The following EGFR variants were observed in gnomAD, a reference collection of about 807,000 sequenced individuals.
The protein encoded by EGFR is epidermal growth factor receptor.
EGFR carries 58 observed loss-of-function variants against 143.0 expected under a neutral mutation model. That is an observed-to-expected ratio of 0.41 (90% CI 0.33 to 0.50). The LOEUF (loss-of-function observed/expected upper bound fraction) is 0.50. Among genes scored for constraint, EGFR ranks in the 20% least tolerant of loss-of-function variants. The pLI is 0.39. For missense variants in EGFR, 1,307 were observed against 1,579.0 expected (o/e 0.83, Z 2.92); for synonymous variants, 613 against 594.4 (o/e 1.03, Z -0.45).
intron 1 of EGFR, among the ~76,000 whole-genome samples, chr7:55,140,476 G>T (rs890183970): frequency 2.0e-5 from 3 of 152,168 alleles, no homozygotes; most frequent in African/African-American, 7.2e-5. Flanking sequence ...TTATTCCAAG[G>T]TGTGCCAACC....
Position 55,112,871 on chromosome 7 carries a change from T to A in EGFR, c.89-29415T>A, listed in dbSNP as rs184128564. Reference sequence around the variant, plus strand: ...TTCTTTATCCCATACAGCCTTACAGTCAAGTGCCAGTGCAACACCTGATTC... The same window carrying A: ...TTCTTTATCCCATACAGCCTTACAGACAAGTGCCAGTGCAACACCTGATTC... On this transcript the variant is annotated intron_variant, in intron 1 of 27. Coordinates refer to ENST00000275493, the MANE Select transcript of EGFR (RefSeq NM_005228.5). Among the ~76,000 whole-genome samples the A allele has an allele frequency of 4.6e-5, 7 of 152,302 alleles. No homozygotes were observed. In the East Asian group the frequency reaches 1.2e-3, roughly 25 times the overall value.
intron 1 of EGFR, among the ~76,000 whole-genome samples, chr7:55,122,331 T>C (rs1053932787): frequency 1.3e-5 from 2 of 152,300 alleles, no homozygotes; most frequent in South Asian, 2.1e-4. Context: ...CTCACATCGT[T>C]AGTGTTCCCT....
At chr7:55,019,406 C>G (rs1048506335) in intron 1 of EGFR, 41 bp downstream of exon 1, 5 of 1,317,818 alleles carry the variant, frequency 3.8e-6, no homozygotes, top group Non-Finnish European at 5.0e-6. Context: ...GCCCCCGGAT[C>G]GCGCCCCGGA....
At chr7:55,190,488 A>T (rs546634850) in intron 20 of EGFR, among the ~76,000 whole-genome samples, 280 of 152,298 alleles carry the variant, frequency 1.8e-3, no homozygotes, top group African/African-American at 6.6e-3. Flanking sequence ...TGCCAATTCA[A>T]CAAATCATTT....
At chr7:55,073,994 A>G (rs1789987668) in intron 1 of EGFR, among the ~76,000 whole-genome samples, 1 of 152,234 alleles carries the variant, frequency 6.6e-6, no homozygotes, top group Non-Finnish European at 1.5e-5. Flanking sequence ...CATCTCAGAC[A>G]CACCCTTCCC....
At chr7:55,196,895 C>T (rs1787644607) in intron 22 of EGFR, among the ~76,000 whole-genome samples, 1 of 152,028 alleles carries the variant, frequency 6.6e-6, no homozygotes, top group Admixed American at 6.6e-5. Context: ...GTACTAGTAC[C>T]ATGCTGTTTT....
At position 55,210,295 on chromosome 7, in the gene EGFR, GC is replaced by G; in HGVS notation, c.*4680del. 6.6e-6 allele frequency: 1 copy of G among 152,274 alleles called. No homozygotes were observed. The highest frequency in any genetic ancestry group is 2.1e-4 in the South Asian group (1 of 4,824). The allele number at this position is 152,274 out of a possible 1,614,324, so 9.4% of individuals were successfully genotyped here. On this transcript the variant is annotated 3_prime_UTR_variant, in exon 28 of 28. Transcript: ENST00000275493. ...AGTATAAACTAGACATGTCTGGAGA[GC>G]CTAATAATGTTCAGCACACTTTGGT...
At chr7:55,082,391 T>C (rs931326266) in intron 1 of EGFR, among the ~76,000 whole-genome samples, 6 of 152,168 alleles carry the variant, frequency 3.9e-5, no homozygotes, top group African/African-American at 1.4e-4. Flanking sequence ...TTTTGGCTTG[T>C]TTGTTTCCCT....
Position 55,205,193 on chromosome 7 carries a change from A to G in EGFR, c.3272-63A>G, listed in dbSNP as rs374376973. The G allele has an allele frequency of 1.3e-5, 20 of 1,599,260 alleles. No homozygotes were observed. In the African/African-American group the frequency reaches 2.0e-4, roughly 16 times the overall value. On this transcript the variant is annotated intron_variant, in intron 27 of 27. Coordinates refer to ENST00000275493, the MANE Select transcript of EGFR (RefSeq NM_005228.5). ...AGGACATTCACAGGGTTCAGAACCCAGGGATCCTGCATGGGATGGTGCTTT... is the reference window on the plus strand; with the variant it reads ...AGGACATTCACAGGGTTCAGAACCCGGGGATCCTGCATGGGATGGTGCTTT...
chr7:55,128,754 A>G (rs1349921535), intron 1 of EGFR, among the ~76,000 whole-genome samples: 1 of 152,222 alleles, frequency 6.6e-6, no homozygotes, highest in African/African-American at 2.4e-5. Context: ...AATAGCAAAT[A>G]TAATTCTATT....
intron 19 of EGFR, among the ~76,000 whole-genome samples, chr7:55,178,467 G>T (rs1435475508): frequency 6.6e-6 from 1 of 152,192 alleles, no homozygotes; most frequent in Non-Finnish European, 1.5e-5. Context: ...AGGACCTGGG[G>T]CGCCTCCGAC....
intron 26 of EGFR, 35 bp downstream of exon 26, chr7:55,201,817 GCT>G (rs1562806375): frequency 6.2e-7 from 1 of 1,606,718 alleles, no homozygotes; most frequent in South Asian, 1.1e-5. Context: ...AGAATTTACA[GCT>G]CTCCACTATG....
At chr7:55,176,061 A>G (rs9692301) in intron 19 of EGFR, among the ~76,000 whole-genome samples, 39,569 of 152,214 alleles carry the variant, frequency 0.26, 5,662 homozygotes, top group Admixed American at 0.35. Flanking sequence ...CATAACCACA[A>G]GAAATACAGG....
intron 3 of EGFR, among the ~76,000 whole-genome samples, 174 bp downstream of exon 3, chr7:55,143,662 A>G (rs1221202252): frequency 6.6e-6 from 1 of 152,186 alleles, no homozygotes; most frequent in East Asian, 1.9e-4. Context: ...TACTGAGAAG[A>G]TGGCAGATAC....
At chr7:55,024,490 C>A (rs1030710419) in intron 1 of EGFR, among the ~76,000 whole-genome samples, 2 of 152,184 alleles carry the variant, frequency 1.3e-5, no homozygotes, top group Admixed American at 6.5e-5. Flanking sequence ...TAACAAAAGA[C>A]TCAAGTTATA....
intron 7 of EGFR, among the ~76,000 whole-genome samples, chr7:55,154,866 A>G (rs1454386965): frequency 1.3e-5 from 2 of 152,022 alleles, no homozygotes; most frequent in Non-Finnish European, 2.9e-5. Context: ...TATGAGGGGG[A>G]GATTTTACCC....
In EGFR at chr7:55,207,916, TTCAG is replaced by T. The variant is rs1293212965; in HGVS notation, c.*2304_*2307del. The T allele has an allele frequency of 1.3e-5, 2 of 152,244 alleles. No homozygotes were observed. Among genetic ancestry groups the T allele is most frequent in the African/African-American group, 4.8e-5 (2 of 41,462 alleles). The allele number at this position is 152,244 out of a possible 1,614,324, so 9.4% of individuals were successfully genotyped here. On this transcript the variant is annotated 3_prime_UTR_variant, in exon 28 of 28. Coordinates refer to ENST00000275493, the MANE Select transcript of EGFR (RefSeq NM_005228.5). ...TTCACCTCAGGACATGCAGAAATAT[TTCAG>T]TCAGAACTGGGAAACAGAAGGACCT...
intron 1 of EGFR, among the ~76,000 whole-genome samples, chr7:55,112,583 C>A (rs1792575616): frequency 6.6e-6 from 1 of 152,214 alleles, no homozygotes; most frequent in African/African-American, 2.4e-5. Flanking sequence ...CCTCAGAAGG[C>A]CCTGTGGAGT....
At chr7:55,029,546 G>T (rs1787133646) in intron 1 of EGFR, among the ~76,000 whole-genome samples, 1 of 152,072 alleles carries the variant, frequency 6.6e-6, no homozygotes, top group Non-Finnish European at 1.5e-5. Flanking sequence ...AAGGACTGCA[G>T]ATGAAAAACT....
Sources: gnomAD v4.1 joint callset for allele counts (sites outside exome capture counted in the v4.1 genomes callset) on GRCh38, gnomAD v4.1.1 for gene constraint, MANE v1.5 for transcripts, NCBI Gene and HGNC (gene_info 2026-07-23, HGNC 2026-07-21) for gene names.